Variants in UNC80 observed in about 807,000 individuals in gnomAD.
UNC80 encodes the protein protein unc-80 homolog.
Under a neutral mutation model 384.6 loss-of-function variants are expected in UNC80, and 164 were observed. The ratio of observed to expected loss-of-function variants is 0.43; its 90% CI spans 0.38 to 0.49. The LOEUF (loss-of-function observed/expected upper bound fraction) is 0.49. Among genes scored for constraint, UNC80 ranks in the 20% least tolerant of loss-of-function variants. UNC80 has a pLI of 0.00. For synonymous variants in UNC80, 1,486 were observed against 1,527.8 expected (o/e 0.97, Z 0.64); for missense variants, 3,330 against 4,143.0 (o/e 0.80, Z 5.39).
At chr2:209,809,352 C>A in intron 7 of UNC80, 1 of 886,732 alleles carries the variant, frequency 1.1e-6, no homozygotes, top group Non-Finnish European at 1.9e-6. Context: ...GGAAGGCCTT[C>A]TCCAGACCCT....
Position 209,829,106 on chromosome 2 carries a change from T to G in UNC80, c.2479-126T>G, listed in dbSNP as rs1283428779. On this transcript the variant is annotated intron_variant, in intron 14 of 64. Coordinates refer to ENST00000673920, the MANE Select transcript of UNC80 (RefSeq NM_001371986.1). The stretch of plus-strand genomic sequence containing the variant: ...CTCAGACAAGAGGGGCTAGCAGGGT[T>G]GCCTGTCACCAGCGAGTGGGGATGG... 4 of 1,079,528 alleles carry G rather than the reference T, an allele frequency of 3.7e-6. No individual in the cohort carries two copies. The African/African-American group carries it at 4.8e-5, about 13-fold the overall frequency. The allele number at this position is 1,079,528 out of a possible 1,614,324, so 66.9% of individuals were successfully genotyped here.
At chr2:209,925,346 C>T (rs957771359) in intron 35 of UNC80, among the ~76,000 whole-genome samples, 2 of 152,100 alleles carry the variant, frequency 1.3e-5, no homozygotes, top group African/African-American at 2.4e-5. Context: ...TTCTTGGTCT[C>T]GCTGACTTCA....
chr2:209,815,684 G>A (rs562863135), intron 9 of UNC80, among the ~76,000 whole-genome samples: 2 of 152,306 alleles, frequency 1.3e-5, no homozygotes, highest in East Asian at 1.9e-4. Context: ...TTGTGGTAAC[G>A]ATGATGGTAA....
At chr2:209,794,850 TA>T (rs1268410556) in intron 7 of UNC80, 1 of 448,146 alleles carries the variant, frequency 2.2e-6, no homozygotes, top group East Asian at 7.3e-5. Flanking sequence ...TGTGGAACTG[TA>T]ACTCCAATTA....
chr2:209,870,119 C>T (rs12328328), intron 22 of UNC80, among the ~76,000 whole-genome samples: 26,715 of 151,982 alleles, frequency 0.18, 3,253 homozygotes, highest in African/African-American at 0.34. Flanking sequence ...ATATGGTCCA[C>T]GTTAAGTTTC....
rs781388030 is a variant in UNC80, at chr2:209,815,356, C to G, written c.1300C>G (p.Leu434Val). 6.4e-7 allele frequency: 1 copy of G among 1,551,572 alleles called. No homozygotes were observed. Among genetic ancestry groups the G allele is most frequent in the African/African-American group, 1.4e-5 (1 of 73,028 alleles). ...TCTGCGTAGATCTGCAGTCCCAGAT[C>G]TTTCTTCAGACCTGGGCATGAATAT... ...TNLRRSAVPD[L>V]SSDLGMNIFK... Residue 434 changes from leucine (L) to valine (V), a missense_variant, in exon 9 of 65, where the codon CTT becomes GTT. Leu to Val is a conservative substitution (Grantham distance 32, BLOSUM62 1). Around this residue, in one of 8 missense-constraint regions of UNC80, gnomAD observed 937 missense variants for 1,026.8 expected, o/e 0.91. Coordinates refer to ENST00000673920, the MANE Select transcript of UNC80 (RefSeq NM_001371986.1).
At chr2:209,901,418 T>A (rs2087386099) in intron 28 of UNC80, among the ~76,000 whole-genome samples, 1 of 152,166 alleles carries the variant, frequency 6.6e-6, no homozygotes, top group Admixed American at 6.5e-5. Flanking sequence ...CCTGAGTATG[T>A]TAAGTCCACT....
intron 23 of UNC80, among the ~76,000 whole-genome samples, chr2:209,877,569 C>T (rs1235512591): frequency 6.6e-6 from 1 of 152,176 alleles, no homozygotes; most frequent in African/African-American, 2.4e-5. Context: ...TAATCAGAAG[C>T]ACTCTGAGGA....
In UNC80 at chr2:209,954,127, C is replaced by T. The variant is rs2092311943; in HGVS notation, c.7314C>T (p.Ala2438=). ...TTCAGATGCTGATGGTCTTAGAAGC[C>T]TTAGTTCCATGTTACCTACAAAAGC... ...RSLQMLMVLE[A]LVPCYLQKLK... is the part of the protein sequence containing the mutation. Residue 2438 remains alanine (A), a synonymous_variant, in exon 48 of 65, where the codon GCC becomes GCT. Transcript: ENST00000673920. The T allele has an allele frequency of 3.9e-6, 6 of 1,550,668 alleles. No homozygotes were observed. Among genetic ancestry groups the T allele is most frequent in the Non-Finnish European group, 5.2e-6 (6 of 1,146,868 alleles).
chr2:209,976,967 G>A lies in UNC80; in HGVS notation c.8827G>A (p.Ala2943Thr). ...HEELSARQHI[A>T]DQLERRFIPR... ...AGAGCTTTCCGCCCGGCAACATATTGCCGACCAGCTGGAGCGGCGCTTCAT... is the reference window on the plus strand; with the variant it reads ...AGAGCTTTCCGCCCGGCAACATATTACCGACCAGCTGGAGCGGCGCTTCAT... Residue 2943 changes from alanine to threonine, a missense_variant, in exon 58 of 65, where the codon GCC becomes ACC. Ala to Thr is a moderately conservative substitution (Grantham distance 58). Around this residue, in one of 8 missense-constraint regions of UNC80, gnomAD observed 216 missense variants for 245.3 expected, o/e 0.88. Coordinates refer to ENST00000673920, the MANE Select transcript of UNC80 (RefSeq NM_001371986.1). This position sits in a 1 kb window ranked among gnomAD's most constrained non-coding sequence, Gnocchi z 4.3. 6.5e-7 allele frequency: 1 copy of A among 1,532,942 alleles called. No individual in the cohort carries two copies. Among genetic ancestry groups the A allele is most frequent in the Non-Finnish European group, 8.8e-7 (1 of 1,131,478 alleles). The allele number at this position is 1,532,942 out of a possible 1,614,324, so 95.0% of individuals were successfully genotyped here. A position where few individuals can be genotyped will look rare whatever the true frequency, so the allele number is the denominator to read the frequency against.
rs140115980 is a variant in UNC80, at chr2:209,862,049, A to C, written c.3628-10709A>C. Reference sequence around the variant, plus strand: ...CTTTATCTCCTTCAATTCTTCTCTGATCTTACTTATTGCTTGTCTTCTGCT... The same window carrying C: ...CTTTATCTCCTTCAATTCTTCTCTGCTCTTACTTATTGCTTGTCTTCTGCT... On this transcript the variant is annotated intron_variant, in intron 22 of 64. Coordinates refer to ENST00000673920, the MANE Select transcript of UNC80 (RefSeq NM_001371986.1). Among the ~76,000 whole-genome samples the C allele has an allele frequency of 2.2e-3, 339 of 151,564 alleles. 1 individual carries two copies. Among genetic ancestry groups the C allele is most frequent in the Middle Eastern group, 0.021 (6 of 292 alleles).
chr2:209,791,888 AG>A (rs2077831593), intron 6 of UNC80, among the ~76,000 whole-genome samples: 1 of 143,384 alleles, frequency 7.0e-6, no homozygotes, highest in African/African-American at 2.5e-5. Context: ...TTGTCTTATT[AG>A]TCTAAGCCTG....
Position 209,872,682 on chromosome 2 carries a change from G to A in UNC80, c.3628-76G>A, listed in dbSNP as rs2084402374. 2 of 1,290,118 alleles carry A rather than the reference G, an allele frequency of 1.6e-6. No homozygotes were observed. Among genetic ancestry groups the A allele is most frequent in the Non-Finnish European group, 2.2e-6 (2 of 912,912 alleles). The allele number at this position is 1,290,118 out of a possible 1,614,324, so 79.9% of individuals were successfully genotyped here. A position where few individuals can be genotyped will look rare whatever the true frequency, so the allele number is the denominator to read the frequency against. On this transcript the variant is annotated intron_variant, in intron 22 of 64. Coordinates refer to ENST00000673920, the MANE Select transcript of UNC80 (RefSeq NM_001371986.1). The surrounding 1 kb of genome is among the most constrained non-coding windows in gnomAD (Gnocchi z 4.1). ...GAGGAAAATAAACTAAAAATACACAGTAATTCCCTTTAAGACCAATTTAAA... is the reference window on the plus strand; with the variant it reads ...GAGGAAAATAAACTAAAAATACACAATAATTCCCTTTAAGACCAATTTAAA...
At chr2:209,978,001 A>G (rs1050614871) in intron 58 of UNC80, among the ~76,000 whole-genome samples, 1 of 152,234 alleles carries the variant, frequency 6.6e-6, no homozygotes, top group Non-Finnish European at 1.5e-5. Context: ...ACACATTATC[A>G]TTCAAATATT....
chr2:209,780,642 C>T (rs1231150841), intron 4 of UNC80, among the ~76,000 whole-genome samples: 1 of 152,154 alleles, frequency 6.6e-6, no homozygotes, highest in Admixed American at 6.5e-5. Context: ...CACCCCATTG[C>T]TCCTGAGTTG....
chr2:209,855,574 G>C (rs1342884415), intron 22 of UNC80, among the ~76,000 whole-genome samples: 1 of 152,142 alleles, frequency 6.6e-6, no homozygotes, highest in Admixed American at 6.6e-5. Context: ...TCCAGTTTCT[G>C]TGTTCCCTTA....
chr2:209,838,998 C>G (rs1238799756), intron 18 of UNC80, among the ~76,000 whole-genome samples: 1 of 152,078 alleles, frequency 6.6e-6, no homozygotes, highest in Non-Finnish European at 1.5e-5. Context: ...AAAAACCTGA[C>G]CACCTCATGT....
chr2:209,796,854 A>T (rs536394485), intron 7 of UNC80, among the ~76,000 whole-genome samples: 1 of 152,282 alleles, frequency 6.6e-6, no homozygotes, highest in Non-Finnish European at 1.5e-5. Context: ...CGTGAAAACG[A>T]ACTAATACAC....
At chr2:209,880,348 T>G (rs1012671775) in intron 24 of UNC80, among the ~76,000 whole-genome samples, 1 of 152,250 alleles carries the variant, frequency 6.6e-6, no homozygotes, top group Non-Finnish European at 1.5e-5. Context: ...TAGCTATGCC[T>G]TAATTTGACA....
Sources: gnomAD v4.1 joint callset for allele counts (sites outside exome capture counted in the v4.1 genomes callset) on GRCh38, gnomAD v4.1.1 for gene constraint, gnomAD v4.1.1 regional missense constraint, Gnocchi (gnomAD v3.1) non-coding constraint, MANE v1.5 for transcripts, NCBI Gene and HGNC (gene_info 2026-07-23, HGNC 2026-07-21) for gene names.